Variants in SYTL2 observed in about 807,000 individuals in gnomAD.
The protein encoded by SYTL2 is synaptotagmin like 2.
In SYTL2, 165 loss-of-function variants were observed where a neutral mutation model predicts 198.7. The observed-to-expected ratio is 0.83, with a 90% CI of 0.73 to 0.94. The LOEUF is 0.94. Among genes scored for constraint, SYTL2 ranks in the 40% least tolerant of loss-of-function variants. SYTL2 has a pLI of 0.00. For missense variants in SYTL2, 2,835 were observed against 2,582.8 expected, an observed-to-expected ratio of 1.10 and a Z score of -2.12; for synonymous variants, 966 against 917.7, an observed-to-expected ratio of 1.05 and a Z score of -0.95.
intron 1 of SYTL2, among the ~76,000 whole-genome samples, chr11:85,799,427 T>G (rs571214814): frequency 2.0e-5 from 3 of 152,252 alleles, no homozygotes; most frequent in African/African-American, 7.2e-5. Flanking sequence ...TCAGGAAGAA[T>G]TAGCATAGAG....
At chr11:85,777,769 A>G (rs2092477549) in intron 1 of SYTL2, among the ~76,000 whole-genome samples, 1 of 147,802 alleles carries the variant, frequency 6.8e-6, no homozygotes, top group African/African-American at 2.5e-5. Flanking sequence ...CTTAGGTCAT[A>G]GGAATCCTAA....
In SYTL2 at chr11:85,725,790, T is replaced by C. The variant is rs1297071051; in HGVS notation, c.3568A>G (p.Ile1190Val). 2 of 1,614,164 alleles carry C rather than the reference T, an allele frequency of 1.2e-6. No individual in the cohort carries two copies. Among genetic ancestry groups the C allele is most frequent in the South Asian group, 1.1e-5 (1 of 91,090 alleles). ...TEEEVKGPEKIINEHVDKTVV... is the reference protein window; with the variant it reads ...TEEEVKGPEKVINEHVDKTVV... Reference sequence around the variant, plus strand: ...GTTTTGTCAACATGCTCATTAATGATCTTCTCAGGTCCTTTGACTTCTTCC... The same window carrying C: ...GTTTTGTCAACATGCTCATTAATGACCTTCTCAGGTCCTTTGACTTCTTCC... The change falls in exon 8 of 20, where the codon ATC (isoleucine) becomes GTC (valine). Residue 1190 changes from isoleucine (I) to valine (V), a missense_variant. Around this residue, in one of 3 missense-constraint regions of SYTL2, gnomAD observed 2,645 missense variants for 2,381.7 expected, o/e 1.11. Coordinates refer to ENST00000359152, the MANE Select transcript of SYTL2 (RefSeq NM_206927.4).
chr11:85,778,693 G>C (rs188899949), intron 1 of SYTL2, among the ~76,000 whole-genome samples: 1 of 152,322 alleles, frequency 6.6e-6, no homozygotes, highest in East Asian at 1.9e-4. Context: ...TTTAAAATAA[G>C]GCTGGGCGTG....
In SYTL2 at chr11:85,698,002, A is replaced by G. The variant is rs554484063; in HGVS notation, c.6345T>C (p.Ser2115=). The G allele has an allele frequency of 6.2e-7, 1 of 1,612,810 alleles. No homozygotes were observed. Among genetic ancestry groups the G allele is most frequent in the Admixed American group, 1.7e-5 (1 of 60,022 alleles). ...ACCATTTAACAAAAGAATTTAGATG[A>G]CTTCCCCTTAGCAGTGGTAGATCAA... ...ECLDLPLLRG[S]HLNSFVKCTI... Residue 2115 remains serine, a synonymous_variant, in exon 18 of 20, where the codon AGT becomes AGC. Coordinates refer to ENST00000359152, the MANE Select transcript of SYTL2 (RefSeq NM_206927.4).
At chr11:85,729,729 A>G (rs2089603382) in intron 7 of SYTL2, among the ~76,000 whole-genome samples, 1 of 152,226 alleles carries the variant, frequency 6.6e-6, no homozygotes, top group African/African-American at 2.4e-5. Context: ...AAGACAAGAA[A>G]TAACTAAAAT....
chr11:85,738,726 C>T (rs2090554709), intron 4 of SYTL2, among the ~76,000 whole-genome samples: 1 of 152,170 alleles, frequency 6.6e-6, no homozygotes, highest in Non-Finnish European at 1.5e-5. Context: ...CGATGCTATG[C>T]TCAGTTTCTC....
chr11:85,847,892 C>T, the SYTL2 span, among the ~76,000 whole-genome samples: 1 of 152,020 alleles, frequency 6.6e-6, no homozygotes, highest in Admixed American at 6.6e-5. Context: ...GTATTGCAAA[C>T]GTTTTCTTCC....
intron 2 of SYTL2, among the ~76,000 whole-genome samples, chr11:85,750,151 A>C (rs2091426975): frequency 6.6e-6 from 1 of 152,098 alleles, no homozygotes; most frequent in African/African-American, 2.4e-5. Context: ...CCCAAATTAC[A>C]TCCAAATCTC....
intron 18 of SYTL2, among the ~76,000 whole-genome samples, chr11:85,697,113 C>T (rs2083515271): frequency 6.6e-6 from 1 of 151,598 alleles, no homozygotes; most frequent in Non-Finnish European, 1.5e-5. Flanking sequence ...TGACTTGAGC[C>T]AAAAAAATCT....
At chr11:85,716,346 C>G (rs972017035) in intron 11 of SYTL2, 1 of 152,206 alleles carries the variant, frequency 6.6e-6, no homozygotes, top group African/African-American at 2.4e-5. Context: ...CACATACTCA[C>G]AAGAGCTGAA....
intron 1 of SYTL2, among the ~76,000 whole-genome samples, chr11:85,808,445 A>C (rs2092989664): frequency 6.6e-6 from 1 of 152,178 alleles, no homozygotes; most frequent in African/African-American, 2.4e-5. Context: ...AAGAAAATAA[A>C]GGATATTTTT....
chr11:85,844,824 G>GA, the SYTL2 span, among the ~76,000 whole-genome samples: 1 of 152,100 alleles, frequency 6.6e-6, no homozygotes, highest in African/African-American at 2.4e-5. Context: ...TTGCCAGAGT[G>GA]AACTTCTGTC....
intron 1 of SYTL2, among the ~76,000 whole-genome samples, chr11:85,795,284 G>A (rs2092787200): frequency 6.6e-6 from 1 of 151,996 alleles, no homozygotes; most frequent in African/African-American, 2.4e-5. Flanking sequence ...TTTATTTTCT[G>A]AAATGATGAT....
At chr11:85,844,700 C>G in the SYTL2 span, among the ~76,000 whole-genome samples, 4 of 152,180 alleles carry the variant, frequency 2.6e-5, no homozygotes, top group African/African-American at 7.2e-5. Context: ...CTCCTTGGAC[C>G]AGAAACTGGA....
chr11:85,804,461 G>A (rs573495161), intron 1 of SYTL2, among the ~76,000 whole-genome samples: 6 of 152,180 alleles, frequency 3.9e-5, no homozygotes, highest in African/African-American at 9.6e-5. Flanking sequence ...GTTCTTATTG[G>A]CTGTGTCACC....
At chr11:85,795,813 G>A (rs944624702) in intron 1 of SYTL2, among the ~76,000 whole-genome samples, 1 of 152,156 alleles carries the variant, frequency 6.6e-6, no homozygotes, top group Non-Finnish European at 1.5e-5. Flanking sequence ...CAAACTGACA[G>A]AGCAGGCCAC....
chr11:85,825,860 T>C, the SYTL2 span, among the ~76,000 whole-genome samples: 1 of 152,228 alleles, frequency 6.6e-6, no homozygotes, highest in African/African-American at 2.4e-5. Flanking sequence ...CTAATCATGA[T>C]TTCATAGGGA....
chr11:85,726,309 T>C lies in SYTL2; in HGVS notation c.3049A>G (p.Arg1017Gly). 1 of 1,614,074 alleles carries C rather than the reference T, an allele frequency of 6.2e-7. No individual in the cohort carries two copies. Residue 1017 changes from arginine (R) to glycine (G), a missense_variant, in exon 8 of 20, where the codon AGG becomes GGG. By Grantham distance (125) the Arg-to-Gly change is moderately radical. Coordinates refer to ENST00000359152, the MANE Select transcript of SYTL2 (RefSeq NM_206927.4). ...TCGCTGAATTCCTTGTGTTTCTGCC[T>C]ATTAAAAGGTGCAGAATTTTTTTGG... Reference protein sequence around the residue: ...TSQKNSAPFNRQKHKEFSDIK... With the variant: ...TSQKNSAPFNGQKHKEFSDIK...
the SYTL2 span, among the ~76,000 whole-genome samples, chr11:85,833,098 A>AGAAAGAAAGAAAGAAG: frequency 1.2e-4 from 4 of 32,528 alleles, no homozygotes; most frequent in East Asian, 8.0e-4. Context: ...AAAGAAAGAA[A>AGAAAGAAAGAAAGAAG]GAAGGAAGGA....
Sources: gnomAD v4.1 joint callset for allele counts (sites outside exome capture counted in the v4.1 genomes callset) on GRCh38, gnomAD v4.1.1 for gene constraint, gnomAD v4.1.1 regional missense constraint, MANE v1.5 for transcripts, NCBI Gene and HGNC (gene_info 2026-07-23, HGNC 2026-07-21) for gene names.